CTIF: variants seen among roughly 807,000 people sequenced by gnomAD.
The protein encoded by CTIF is cap binding complex dependent translation initiation factor.
In CTIF, 21 loss-of-function variants were observed where a neutral mutation model predicts 66.0. The observed-to-expected ratio is 0.32, with a 90% CI of 0.23 to 0.46. The LOEUF (loss-of-function observed/expected upper bound fraction) is 0.46. CTIF is among the 20% of genes least tolerant of loss of function. CTIF has a pLI of 1.00. For synonymous variants in CTIF, 345 were observed against 326.4 expected (o/e 1.06, Z -0.62); for missense variants, 739 against 812.7 (o/e 0.91, Z 1.10).
At chr18:48,834,118 A>G (rs531003973) in intron 10 of CTIF, among the ~76,000 whole-genome samples, 1 of 151,062 alleles carries the variant, frequency 6.6e-6, no homozygotes, top group South Asian at 2.1e-4. Flanking sequence ...AGGGCCAGAT[A>G]GTAAATATTT....
intron 3 of CTIF, among the ~76,000 whole-genome samples, chr18:48,642,239 T>C (rs2090947499): frequency 6.6e-6 from 1 of 152,084 alleles, no homozygotes; most frequent in Admixed American, 6.6e-5. Context: ...CAGAACAAGA[T>C]GACAACATAC....
intron 10 of CTIF, among the ~76,000 whole-genome samples, chr18:48,823,976 CCACACACACACACA>C (rs35554666): frequency 1.4e-4 from 17 of 124,214 alleles, no homozygotes; most frequent in African/African-American, 3.5e-4. Flanking sequence ...CCTAAAGACT[CCACACACACACACA>C]CACACACACA....
At chr18:48,542,545 A>G (rs1408745755) in intron 1 of CTIF, among the ~76,000 whole-genome samples, 1 of 152,272 alleles carries the variant, frequency 6.6e-6, no homozygotes, top group East Asian at 1.9e-4. Context: ...AATTAAGTCC[A>G]GCAAATGTTT....
intron 1 of CTIF, among the ~76,000 whole-genome samples, chr18:48,544,629 T>C (rs1444722834): frequency 1.3e-5 from 2 of 152,080 alleles, no homozygotes; most frequent in Non-Finnish European, 2.9e-5. Context: ...TGGAGCCAGT[T>C]TGGGATGGTT....
intron 1 of CTIF, among the ~76,000 whole-genome samples, chr18:48,616,100 C>T (rs1007948012): frequency 3.9e-5 from 6 of 152,220 alleles, no homozygotes; most frequent in Non-Finnish European, 8.8e-5. Flanking sequence ...GCAGGCAGAG[C>T]CTGGCACTCA....
intron 5 of CTIF, 173 bp from the exon 6 acceptor site, chr18:48,670,496 A>ACC (rs1341082135): frequency 2.0e-6 from 1 of 497,974 alleles, no homozygotes; most frequent in Non-Finnish European, 3.7e-6. Flanking sequence ...CCCCCCCCCC[A>ACC]CACACACACA....
chr18:48,611,979 C>T (rs969038336), intron 1 of CTIF, among the ~76,000 whole-genome samples: 5 of 152,132 alleles, frequency 3.3e-5, no homozygotes, highest in Non-Finnish European at 7.4e-5. Flanking sequence ...GTTTAGAGGA[C>T]GTCAGATGTC....
rs778985951 is a variant in CTIF at position 48,758,283 on chromosome 18, G to C, written c.949G>C (p.Gly317Arg). ...ASERLPPQQSGGPEVETKRKD... is the reference protein window; with the variant it reads ...ASERLPPQQSRGPEVETKRKD... ...TGAGCGGCTGCCCCCACAGCAGTCA[G>C]GGGGGCCAGAGGTTGAGACAAAACG... is the stretch of plus-strand genomic sequence containing the variant. Residue 317 changes from glycine (G) to arginine (R), a missense_variant, in exon 8 of 12, where the codon GGG (glycine) becomes CGG (arginine). Gly to Arg is a moderately radical substitution (Grantham distance 125, BLOSUM62 -2). Coordinates refer to ENST00000256413, the MANE Select transcript of CTIF (RefSeq NM_014772.3). The C allele has an allele frequency of 1.2e-6, 2 of 1,613,380 alleles. No individual in the cohort carries two copies. The highest frequency in any genetic ancestry group is 8.5e-7 in the Non-Finnish European group (1 of 1,179,870).
chr18:48,747,368 G>C (rs912089898), intron 7 of CTIF, among the ~76,000 whole-genome samples: 2 of 152,238 alleles, frequency 1.3e-5, no homozygotes, highest in African/African-American at 4.8e-5. Flanking sequence ...GGAAACCCCA[G>C]TAGGCAGGCT....
At chr18:48,594,145 T>C (rs1445992021) in intron 1 of CTIF, among the ~76,000 whole-genome samples, 1 of 151,704 alleles carries the variant, frequency 6.6e-6, no homozygotes, top group Non-Finnish European at 1.5e-5. Context: ...GGCTGCAGTC[T>C]GGCCTACCCT....
chr18:48,687,231 G>A (rs879784235), intron 6 of CTIF, among the ~76,000 whole-genome samples: 1 of 151,672 alleles, frequency 6.6e-6, no homozygotes, highest in Non-Finnish European at 1.5e-5. Context: ...AGAGGATAAA[G>A]GGGGTGCAGG....
intron 9 of CTIF, among the ~76,000 whole-genome samples, chr18:48,811,364 G>T (rs1371048271): frequency 6.6e-6 from 1 of 151,868 alleles, no homozygotes; most frequent in Non-Finnish European, 1.5e-5. Context: ...CATAAATTTT[G>T]TTGGCCATAA....
intron 9 of CTIF, among the ~76,000 whole-genome samples, chr18:48,801,988 A>G: frequency 6.6e-6 from 1 of 152,250 alleles, no homozygotes; most frequent in Admixed American, 6.5e-5. Flanking sequence ...ATATGGGCAC[A>G]GTCACCCTTT....
At chr18:48,831,650 A>G (rs553660361) in intron 10 of CTIF, among the ~76,000 whole-genome samples, 1 of 152,274 alleles carries the variant, frequency 6.6e-6, no homozygotes, top group African/African-American at 2.4e-5. Flanking sequence ...CAACATGGCC[A>G]GTAACAATAT....
intron 1 of CTIF, among the ~76,000 whole-genome samples, chr18:48,543,775 C>T (rs1249990118): frequency 1.3e-5 from 2 of 152,164 alleles, no homozygotes; most frequent in African/African-American, 4.8e-5. Flanking sequence ...TTTCTATGTA[C>T]CGTAATGCTT....
At chr18:48,800,622 G>C (rs189942306) in intron 9 of CTIF, among the ~76,000 whole-genome samples, 1 of 152,328 alleles carries the variant, frequency 6.6e-6, no homozygotes, top group East Asian at 1.9e-4. Context: ...CATGTCCTTG[G>C]TAAGACCAAA....
intron 2 of CTIF, among the ~76,000 whole-genome samples, chr18:48,634,905 A>G (rs2090784971): frequency 6.6e-6 from 1 of 152,246 alleles, no homozygotes; most frequent in South Asian, 2.1e-4. Context: ...AGAATGTAAA[A>G]TATCTCATTA....
At position 48,633,737 on chromosome 18, in the gene CTIF, A is replaced by G. The variant is rs188024512; in HGVS notation, c.181-2877A>G. ...TAAATAAATAAATAAATAAATAAAT[A>G]AATGTACATATATACTTATAGTTAT... On this transcript the variant is annotated intron_variant, in intron 2 of 11. Transcript: ENST00000256413. Among the ~76,000 whole-genome samples the G allele has an allele frequency of 1.5e-4, 23 of 149,950 alleles. No homozygotes were observed. In the South Asian group the frequency reaches 4.4e-3, roughly 29 times the overall value.
intron 1 of CTIF, among the ~76,000 whole-genome samples, chr18:48,590,542 C>G (rs1275401810): frequency 6.6e-6 from 1 of 152,210 alleles, no homozygotes; most frequent in Non-Finnish European, 1.5e-5. Flanking sequence ...GTGACTTGCC[C>G]AAGGTCACAC....
Sources: allele counts gnomAD v4.1 joint callset (sites outside exome capture counted in the v4.1 genomes callset), GRCh38; gene constraint gnomAD v4.1.1; transcripts MANE v1.5; gene names NCBI Gene and HGNC (gene_info 2026-07-23, HGNC 2026-07-21).